PARD6G: variants seen among roughly 807,000 people sequenced by gnomAD.
PARD6G encodes par-6 family cell polarity regulator gamma, also known as partitioning defective 6 homolog gamma.
PARD6G carries 7 observed loss-of-function variants against 10.7 expected under a neutral mutation model. The observed-to-expected ratio is 0.66, with a 90% CI of 0.37 to 1.23. The LOEUF is 1.23. PARD6G is among the 50% of genes most tolerant of loss of function. The pLI is 0.02. For missense variants in PARD6G, 548 were observed against 571.8 expected, an observed-to-expected ratio of 0.96 and a Z score of 0.42; for synonymous variants, 287 against 269.4, an observed-to-expected ratio of 1.07 and a Z score of -0.64.
chr18:80,174,976 T>TA (rs1290471369), intron 2 of PARD6G, among the ~76,000 whole-genome samples: 4 of 152,164 alleles, frequency 2.6e-5, no homozygotes, highest in African/African-American at 7.2e-5. Flanking sequence ...ATGTCCATTG[T>TA]AAAAAAACAT....
In PARD6G at chr18:80,201,380, G is replaced by T. The variant is rs1214907203; in HGVS notation, c.295+1330C>A. On this transcript the variant is annotated intron_variant, in intron 2 of 2. Transcript: ENST00000353265. This position sits in a 1 kb window ranked among gnomAD's most constrained non-coding sequence, Gnocchi z 5.9. Reference sequence around the variant, plus strand: ...CCACTGCAGAGGGCAGCATACAGAGGACCGAGGTGTGGCACGCTGGAGGCT... The same window carrying T: ...CCACTGCAGAGGGCAGCATACAGAGTACCGAGGTGTGGCACGCTGGAGGCT... 6.6e-6 allele frequency among the ~76,000 whole-genome samples: 1 copy of T among 152,178 alleles called. No homozygotes were observed. Among genetic ancestry groups the T allele is most frequent in the African/African-American group, 2.4e-5 (1 of 41,440 alleles).
In PARD6G at chr18:80,157,565, C is replaced by T. The variant is rs780383206; in HGVS notation, c.*2206G>A. 3 of 152,044 alleles carry T rather than the reference C, an allele frequency of 2.0e-5. No individual in the cohort carries two copies. Among genetic ancestry groups the T allele is most frequent in the Non-Finnish European group, 4.4e-5 (3 of 68,012 alleles). 9.4% of individuals were successfully genotyped at this position (152,044 alleles called of 1,614,324 possible). A position where few individuals can be genotyped will look rare whatever the true frequency, so the allele number is the denominator to read the frequency against. The stretch of plus-strand genomic sequence containing the variant: ...AATCAGCAATAACTTAGTAAAAGAA[C>T]ATTTCCTTTGTGAGGGTAACATTAT... On this transcript the variant is annotated 3_prime_UTR_variant, in exon 3 of 3. Coordinates refer to ENST00000353265, the MANE Select transcript of PARD6G (RefSeq NM_032510.4).
rs1348109010 is a variant in PARD6G at position 80,247,443 on chromosome 18, C to A, written c.-95G>T. 9.9e-6 allele frequency: 9 copies of A among 912,164 alleles called. No individual in the cohort carries two copies. The highest frequency in any genetic ancestry group is 1.3e-5 in the Non-Finnish European group (9 of 692,868). 56.5% of individuals were successfully genotyped at this position (912,164 alleles called of 1,614,324 possible). A position where few individuals can be genotyped will look rare whatever the true frequency, so the allele number is the denominator to read the frequency against. On this transcript the variant is annotated 5_prime_UTR_variant, in exon 1 of 3. Coordinates refer to ENST00000353265, the MANE Select transcript of PARD6G (RefSeq NM_032510.4). This position sits in a 1 kb window ranked among gnomAD's most constrained non-coding sequence, Gnocchi z 4.2. ...GCGCCCCCAGGCCCCGGCCCCGGCC[C>A]CGGCCCGCGCTCGCTTGGCCGGCGG...
chr18:80,208,736 A>C (rs189768965), intron 1 of PARD6G, among the ~76,000 whole-genome samples: 1 of 152,038 alleles, frequency 6.6e-6, no homozygotes, highest in East Asian at 1.9e-4. Flanking sequence ...GACCTTGTTT[A>C]TGTTAAAAAA....
chr18:80,211,156 T>C (rs1402508993), intron 1 of PARD6G, among the ~76,000 whole-genome samples: 2 of 152,216 alleles, frequency 1.3e-5, no homozygotes, highest in African/African-American at 2.4e-5. Context: ...TTAGATCCTC[T>C]GCAGCTATTT....
chr18:80,226,570 G>A (rs1158846833), intron 1 of PARD6G, among the ~76,000 whole-genome samples: 1 of 152,084 alleles, frequency 6.6e-6, no homozygotes, highest in Non-Finnish European at 1.5e-5. Flanking sequence ...ACCAACACCG[G>A]TCTACTTCAT....
intron 1 of PARD6G, among the ~76,000 whole-genome samples, chr18:80,237,706 C>G (rs1031447235): frequency 5.9e-5 from 9 of 152,170 alleles, no homozygotes; most frequent in African/African-American, 2.2e-4. Flanking sequence ...AGACACTTTT[C>G]AAAAGAAGAC....
At position 80,183,106 on chromosome 18, in the gene PARD6G, G is replaced by A. The variant is rs914982998; in HGVS notation, c.295+19604C>T. The A allele has an allele frequency of 2.8e-6, 2 of 702,800 alleles. No individual in the cohort carries two copies. Among genetic ancestry groups the A allele is most frequent in the Admixed American group, 2.0e-5 (1 of 49,980 alleles). The allele number at this position is 702,800 out of a possible 1,614,324, so 43.5% of individuals were successfully genotyped here. ...CAGAGAAGTCCCCCTTTCAAACCAA[G>A]ATTTGAGCTGAAGAGTCAGGTTCCT... is the stretch of plus-strand genomic sequence containing the variant. On this transcript the variant is annotated intron_variant, in intron 2 of 2. Transcript: ENST00000353265. This position sits in a 1 kb window ranked among gnomAD's most constrained non-coding sequence, Gnocchi z 4.5.
intron 1 of PARD6G, among the ~76,000 whole-genome samples, chr18:80,213,828 G>GGT (rs1391883612): frequency 1.3e-5 from 2 of 151,772 alleles, no homozygotes; most frequent in Non-Finnish European, 2.9e-5. Flanking sequence ...CGTGGTGGCG[G>GGT]GTGTGTGTAG....
At position 80,161,526 on chromosome 18, in the gene PARD6G, T is replaced by C. The variant is rs1378469027; in HGVS notation, c.296-920A>G. Reference sequence around the variant, plus strand: ...TAAAAATTTTAAGTGAAGAGACTGGTGGCATTTGGAAACTCTGAATAATGC... The same window carrying C: ...TAAAAATTTTAAGTGAAGAGACTGGCGGCATTTGGAAACTCTGAATAATGC... On this transcript the variant is annotated intron_variant, in intron 2 of 2. Transcript: ENST00000353265. The surrounding 1 kb of genome is among the most constrained non-coding windows in gnomAD (Gnocchi z 4.6). Among the ~76,000 whole-genome samples, 1 of 152,180 alleles carries C rather than the reference T, an allele frequency of 6.6e-6. No homozygotes were observed. The highest frequency in any genetic ancestry group is 1.5e-5 in the Non-Finnish European group (1 of 68,026).
rs951821643 is a variant in PARD6G, at chr18:80,247,052, G to A, written c.72+225C>T. ...CTGCCCGGACTGTCCGATGGCCCTC[G>A]GCCCTCTGAGCGCCGCGGCTGCCGG... On this transcript the variant is annotated intron_variant, in intron 1 of 2. Coordinates refer to ENST00000353265, the MANE Select transcript of PARD6G (RefSeq NM_032510.4). This position sits in a 1 kb window ranked among gnomAD's most constrained non-coding sequence, Gnocchi z 4.2. 2.6e-5 allele frequency among the ~76,000 whole-genome samples: 4 copies of A among 152,084 alleles called. No homozygotes were observed. Among genetic ancestry groups the A allele is most frequent in the Non-Finnish European group, 5.9e-5 (4 of 68,012 alleles).
In PARD6G at chr18:80,201,313, G is replaced by T. The variant is rs1350247837; in HGVS notation, c.295+1397C>A. On this transcript the variant is annotated intron_variant, in intron 2 of 2. Transcript: ENST00000353265. This position sits in a 1 kb window ranked among gnomAD's most constrained non-coding sequence, Gnocchi z 5.9. Reference sequence around the variant, plus strand: ...AGAGAGTTCCAGGGCAGGGGGCAGGGGGCACAGGCCTCCATTCCAGGACCA... The same window carrying T: ...AGAGAGTTCCAGGGCAGGGGGCAGGTGGCACAGGCCTCCATTCCAGGACCA... Among the ~76,000 whole-genome samples the T allele has an allele frequency of 6.6e-6, 1 of 152,184 alleles. No homozygotes were observed.
At chr18:80,177,350 A>C (rs1410535994) in intron 2 of PARD6G, among the ~76,000 whole-genome samples, 1 of 147,770 alleles carries the variant, frequency 6.8e-6, no homozygotes, top group Admixed American at 6.7e-5. Flanking sequence ...ACATACACAC[A>C]CATACACATG....
intron 2 of PARD6G, among the ~76,000 whole-genome samples, chr18:80,190,355 T>C (rs1206141822): frequency 6.6e-6 from 1 of 152,172 alleles, no homozygotes; most frequent in Non-Finnish European, 1.5e-5. Context: ...GGGCAAACTC[T>C]GGCAGGCCTG....
intron 1 of PARD6G, among the ~76,000 whole-genome samples, chr18:80,212,415 G>A (rs1406688948): frequency 6.6e-6 from 1 of 152,196 alleles, no homozygotes; most frequent in African/African-American, 2.4e-5. Context: ...AGAAATGACT[G>A]CGATAAATGC....
At position 80,183,063 on chromosome 18, in the gene PARD6G, A is replaced by C. The variant is rs967214166; in HGVS notation, c.295+19647T>G. The C allele has an allele frequency of 3.0e-5, 21 of 702,372 alleles. No homozygotes were observed. The African/African-American group carries it at 3.5e-4, about 12-fold the overall frequency. The allele number at this position is 702,372 out of a possible 1,614,324, so 43.5% of individuals were successfully genotyped here. On this transcript the variant is annotated intron_variant, in intron 2 of 2. Coordinates refer to ENST00000353265, the MANE Select transcript of PARD6G (RefSeq NM_032510.4). The surrounding 1 kb of genome is among the most constrained non-coding windows in gnomAD (Gnocchi z 4.5). ...TGGGCCATCCATTCTCTACCATGGC[A>C]TGCCGACAACAGGGGCACAGAGAAG...
In PARD6G at chr18:80,227,813, C is replaced by T. The variant is rs143362537; in HGVS notation, c.72+19464G>A. Among the ~76,000 whole-genome samples the T allele has an allele frequency of 7.2e-3, 1,080 of 150,878 alleles. 7 individuals are homozygous for T. The highest frequency in any genetic ancestry group is 0.014 in the Middle Eastern group (4 of 290). The stretch of plus-strand genomic sequence containing the variant: ...GAAAGAGAAGAGCATCTGAGAAACC[C>T]CATTCACGAGAGGGCAACCCCGGGA... On this transcript the variant is annotated intron_variant, in intron 1 of 2. Transcript: ENST00000353265.
chr18:80,229,324 C>A (rs1228835304), intron 1 of PARD6G, among the ~76,000 whole-genome samples: 1 of 152,262 alleles, frequency 6.6e-6, no homozygotes, highest in Non-Finnish European at 1.5e-5. Context: ...AAACACAACA[C>A]CGAATCTGCA....
chr18:80,240,786 A>C (rs1161556220), intron 1 of PARD6G, among the ~76,000 whole-genome samples: 1 of 152,184 alleles, frequency 6.6e-6, no homozygotes, highest in Non-Finnish European at 1.5e-5. Flanking sequence ...CTCCGATTTC[A>C]AGGAGACGTG....
Sources: gnomAD v4.1 joint callset for allele counts (sites outside exome capture counted in the v4.1 genomes callset) on GRCh38, gnomAD v4.1.1 for gene constraint, Gnocchi (gnomAD v3.1) non-coding constraint, MANE v1.5 for transcripts, NCBI Gene and HGNC (gene_info 2026-07-23, HGNC 2026-07-21) for gene names.